GRIK1: variants seen among roughly 807,000 people sequenced by gnomAD.
The protein encoded by GRIK1 is glutamate ionotropic receptor kainate type subunit 1, also known as glutamate receptor ionotropic, kainate 1.
GRIK1 carries 69 observed loss-of-function variants against 105.7 expected under a neutral mutation model. The ratio of observed to expected loss-of-function variants is 0.65; its 90% CI spans 0.54 to 0.80. The LOEUF is 0.80. GRIK1 is among the 30% of genes least tolerant of loss of function. The pLI is 0.00. For missense variants in GRIK1, 1,109 were observed against 1,167.3 expected (o/e 0.95, Z 0.73); for synonymous variants, 438 against 431.3 (o/e 1.02, Z -0.19).
intron 1 of GRIK1, among the ~76,000 whole-genome samples, chr21:29,879,802 T>C (rs1179818979): frequency 1.3e-5 from 2 of 152,134 alleles, no homozygotes; most frequent in Non-Finnish European, 1.5e-5. Context: ...CTTCTGCTTA[T>C]TTCCCTGAGA....
rs559095799 is a variant in GRIK1, at chr21:29,572,355, A to C, written c.2130+4609T>G. On this transcript the variant is annotated intron_variant, in intron 14 of 17. Coordinates refer to ENST00000327783, the MANE Select transcript of GRIK1 (RefSeq NM_001330994.2). ...GGGCCACAAGCTAGCTTGTAAAATGAGGAACTTGGCAACAGTGTCTCTTCT... is the reference window on the plus strand; with the variant it reads ...GGGCCACAAGCTAGCTTGTAAAATGCGGAACTTGGCAACAGTGTCTCTTCT... Among the ~76,000 whole-genome samples the C allele has an allele frequency of 4.6e-5, 7 of 152,206 alleles. No individual in the cohort carries two copies. The East Asian group carries it at 1.4e-3, about 29-fold the overall frequency.
At chr21:29,684,507 C>G (rs2063449041) in intron 3 of GRIK1, among the ~76,000 whole-genome samples, 1 of 151,952 alleles carries the variant, frequency 6.6e-6, no homozygotes, top group Non-Finnish European at 1.5e-5. Flanking sequence ...AGCAAAAACG[C>G]AATTACTTTT....
chr21:29,652,490 A>T (rs549530549), intron 5 of GRIK1, among the ~76,000 whole-genome samples: 9 of 152,210 alleles, frequency 5.9e-5, no homozygotes, highest in Non-Finnish European at 1.0e-4. Flanking sequence ...ATGCAAGAAC[A>T]TCTTAATAAG....
chr21:29,857,673 A>C (rs1356939591), intron 1 of GRIK1, among the ~76,000 whole-genome samples: 1 of 152,208 alleles, frequency 6.6e-6, no homozygotes. Context: ...CTTAACAAAC[A>C]ACTAATGTTA....
chr21:29,890,012 T>C (rs1405835483), intron 1 of GRIK1, among the ~76,000 whole-genome samples: 1 of 152,082 alleles, frequency 6.6e-6, no homozygotes. Flanking sequence ...TGGGACAGAG[T>C]AATTGTATCT....
At chr21:29,591,005 A>G (rs971222268) in intron 10 of GRIK1, 107 bp downstream of exon 10, 2 of 750,628 alleles carry the variant, frequency 2.7e-6, no homozygotes, top group Non-Finnish European at 4.9e-6. Flanking sequence ...TTAAAAATAG[A>G]CATTTGCAGA....
chr21:29,726,209 T>C (rs78933738), intron 1 of GRIK1, among the ~76,000 whole-genome samples: 3,089 of 152,340 alleles, frequency 0.02, 111 homozygotes, highest in African/African-American at 0.071. Context: ...TTAAGAAATG[T>C]ATTTTAGGAA....
At chr21:29,828,954 C>A (rs1367210187) in intron 1 of GRIK1, among the ~76,000 whole-genome samples, 3 of 152,084 alleles carry the variant, frequency 2.0e-5, no homozygotes, top group African/African-American at 7.2e-5. Context: ...CAAAGCAAAC[C>A]TTTTAACTCA....
chr21:29,928,808 C>T (rs1207896645), intron 1 of GRIK1, among the ~76,000 whole-genome samples: 1 of 152,168 alleles, frequency 6.6e-6, no homozygotes, highest in Non-Finnish European at 1.5e-5. Context: ...AAGCTACACC[C>T]CAGTGGACGT....
At chr21:29,658,302 C>A (rs552851245) in intron 4 of GRIK1, among the ~76,000 whole-genome samples, 1 of 152,204 alleles carries the variant, frequency 6.6e-6, no homozygotes, top group African/African-American at 2.4e-5. Flanking sequence ...CATTCTGTCG[C>A]CCCAGGCTAT....
rs971197054 is a variant in GRIK1 at position 29,645,527 on chromosome 21, A to G, written c.955-2558T>C. 9.2e-5 allele frequency among the ~76,000 whole-genome samples: 14 copies of G among 152,292 alleles called. No individual in the cohort carries two copies. In the South Asian group the frequency reaches 2.7e-3, roughly 29 times the overall value. ...TGGGAAAGGCAATAAAATGATTCAA[A>G]ATTATAGGTCTAATTTGTGCCCTTC... On this transcript the variant is annotated intron_variant, in intron 6 of 17. Transcript: ENST00000327783.
intron 1 of GRIK1, among the ~76,000 whole-genome samples, chr21:29,807,085 G>A (rs1424822410): frequency 6.6e-6 from 1 of 152,126 alleles, no homozygotes; most frequent in African/African-American, 2.4e-5. Flanking sequence ...TTTCAGCAGG[G>A]TTTGAACACA....
intron 1 of GRIK1, among the ~76,000 whole-genome samples, chr21:29,867,312 A>T (rs761254232): frequency 3.3e-5 from 5 of 152,210 alleles, no homozygotes; most frequent in Non-Finnish European, 7.3e-5. Flanking sequence ...TAAAGAAAAC[A>T]TAAACTAAGC....
intron 14 of GRIK1, among the ~76,000 whole-genome samples, chr21:29,568,016 T>C (rs1369934669): frequency 6.6e-6 from 1 of 152,220 alleles, no homozygotes; most frequent in Non-Finnish European, 1.5e-5. Flanking sequence ...TTAAAAAATT[T>C]ATGGATTCCC....
chr21:29,827,059 A>T (rs1231252232), intron 1 of GRIK1, among the ~76,000 whole-genome samples: 1 of 152,128 alleles, frequency 6.6e-6, no homozygotes, highest in Admixed American at 6.6e-5. Context: ...GAGGCTAAAA[A>T]ATCACCCATT....
chr21:29,811,360 G>T (rs1214150141), intron 1 of GRIK1, among the ~76,000 whole-genome samples: 1 of 152,098 alleles, frequency 6.6e-6, no homozygotes, highest in African/African-American at 2.4e-5. Flanking sequence ...TGATATTTAT[G>T]CCATGTCTGT....
chr21:29,804,792 A>G (rs1020135393), intron 1 of GRIK1, among the ~76,000 whole-genome samples: 2 of 152,192 alleles, frequency 1.3e-5, no homozygotes, highest in Non-Finnish European at 2.9e-5. Context: ...ATCTGTGGGA[A>G]GTTAGTTATA....
intron 7 of GRIK1, among the ~76,000 whole-genome samples, chr21:29,601,876 A>G (rs910249578): frequency 8.5e-5 from 13 of 152,390 alleles, no homozygotes; most frequent in African/African-American, 2.6e-4. Context: ...ACAAAATGGC[A>G]TAGCCCTTAG....
At chr21:29,904,578 A>T (rs1411653408) in intron 1 of GRIK1, among the ~76,000 whole-genome samples, 6 of 152,184 alleles carry the variant, frequency 3.9e-5, no homozygotes, top group African/African-American at 7.2e-5. Context: ...CACGCTTCTC[A>T]GACCTACTGC....
Sources: gnomAD v4.1 joint callset for allele counts (sites outside exome capture counted in the v4.1 genomes callset) on GRCh38, gnomAD v4.1.1 for gene constraint, MANE v1.5 for transcripts, NCBI Gene and HGNC (gene_info 2026-07-23, HGNC 2026-07-21) for gene names.